PLXNA4: variants seen among roughly 807,000 people sequenced by gnomAD.
The protein encoded by PLXNA4 is plexin A4.
A neutral mutation model predicts 191.8 loss-of-function variants in PLXNA4; 44 were observed. The observed-to-expected ratio is 0.23, with a 90% CI of 0.18 to 0.29. The LOEUF (loss-of-function observed/expected upper bound fraction) is 0.29, where lower values mean the gene tolerates loss of function less well. Ranked by LOEUF, PLXNA4 falls within the 10% of genes least tolerant of loss-of-function variation. The probability of loss-of-function intolerance (pLI) is 1.00; values close to 1 mark genes in which losing one functional copy is unlikely to be tolerated. For synonymous variants in PLXNA4, 1,082 were observed against 1,009.5 expected, an observed-to-expected ratio of 1.07 and a Z score of -1.36; for missense variants, 1,800 against 2,488.8, an observed-to-expected ratio of 0.72 and a Z score of 5.89.
In PLXNA4 at chr7:132,348,002, A is replaced by G. The variant is rs540458738; in HGVS notation, c.1372-49780T>C. ...GTGGGAGAAAGGATGAAAGGAAAGG[A>G]GGAAAACATTCCATTTGCCTCCCAG... On this transcript the variant is annotated intron_variant, in intron 3 of 31. Coordinates refer to ENST00000321063, the MANE Select transcript of PLXNA4 (RefSeq NM_020911.2). 7.0e-4 allele frequency among the ~76,000 whole-genome samples: 107 copies of G among 152,310 alleles called. 6 individuals are homozygous for G. The South Asian group carries it at 0.02, about 29-fold the overall frequency.
Position 132,419,604 on chromosome 7 carries a change from T to C in PLXNA4, c.1371+69688A>G, listed in dbSNP as rs569455779. 3.1e-3 allele frequency among the ~76,000 whole-genome samples: 472 copies of C among 152,368 alleles called. 1 individual carries two copies. The highest frequency in any genetic ancestry group is 0.011 in the African/African-American group (445 of 41,594). On this transcript the variant is annotated intron_variant, in intron 3 of 31. Coordinates refer to ENST00000321063, the MANE Select transcript of PLXNA4 (RefSeq NM_020911.2). ...CTCTGATAGTTTCTGTCCATTCTTC[T>C]GTTTTTCTTTTTTGAATTCTGGTCA...
intron 12 of PLXNA4, among the ~76,000 whole-genome samples, chr7:132,202,078 A>G (rs902100118): frequency 6.6e-6 from 1 of 152,076 alleles, no homozygotes; most frequent in African/African-American, 2.4e-5. Context: ...ATTCTCTGGG[A>G]CCCAGTGTCT....
intron 29 of PLXNA4, among the ~76,000 whole-genome samples, chr7:132,142,996 G>T (rs972934149): frequency 6.6e-6 from 1 of 152,084 alleles, no homozygotes; most frequent in African/African-American, 2.4e-5. Flanking sequence ...TGAAATATTA[G>T]CATATTATTA....
At chr7:132,169,135 C>T (rs1297667606) in intron 21 of PLXNA4, among the ~76,000 whole-genome samples, 1 of 152,170 alleles carries the variant, frequency 6.6e-6, no homozygotes, top group African/African-American at 2.4e-5. Flanking sequence ...TCTGGGGGCC[C>T]AAGTTTATCC....
chr7:132,455,605 A>C (rs1473386530), intron 3 of PLXNA4, among the ~76,000 whole-genome samples: 1 of 152,200 alleles, frequency 6.6e-6, no homozygotes, highest in African/African-American at 2.4e-5. Context: ...TTGCTGAGTG[A>C]AAATGCTCCT....
intron 3 of PLXNA4, among the ~76,000 whole-genome samples, chr7:132,482,568 T>G (rs756039039): frequency 6.6e-6 from 1 of 152,100 alleles, no homozygotes; most frequent in Admixed American, 6.5e-5. Flanking sequence ...AGAAACTGTA[T>G]GTATGATAAT....
At chr7:132,420,778 C>T (rs1301501980) in intron 3 of PLXNA4, among the ~76,000 whole-genome samples, 1 of 152,162 alleles carries the variant, frequency 6.6e-6, no homozygotes, top group East Asian at 1.9e-4. Context: ...CTTTCCTCTG[C>T]TGTTCTCGTG....
chr7:132,430,944 G>A (rs999778596), intron 3 of PLXNA4, among the ~76,000 whole-genome samples: 6 of 152,158 alleles, frequency 3.9e-5, no homozygotes, highest in Admixed American at 1.3e-4. Context: ...GTGGGCCAGC[G>A]GGAGGAGGTG....
chr7:132,224,755 G>C (rs1332607650), intron 8 of PLXNA4, among the ~76,000 whole-genome samples: 20 of 152,162 alleles, frequency 1.3e-4, no homozygotes, highest in Admixed American at 1.3e-3. Context: ...CCCAGGGCTA[G>C]AGTAACTCAT....
In PLXNA4 at chr7:132,349,208, C is replaced by T. The variant is rs147877812; in HGVS notation, c.1372-50986G>A. Among the ~76,000 whole-genome samples the T allele has an allele frequency of 1.2e-4, 18 of 152,246 alleles. No homozygotes were observed. The East Asian group carries it at 2.7e-3, about 23-fold the overall frequency. ...CTTTTTTCCCCTCCCTTTCTTTTAA[C>T]AGCACCTTTCAACCCAGGAGCTGCC... is the stretch of plus-strand genomic sequence containing the variant. On this transcript the variant is annotated intron_variant, in intron 3 of 31. Coordinates refer to ENST00000321063, the MANE Select transcript of PLXNA4 (RefSeq NM_020911.2).
chr7:132,550,627 C>A (rs1800520497), intron 1 of PLXNA4, among the ~76,000 whole-genome samples: 1 of 152,148 alleles, frequency 6.6e-6, no homozygotes, highest in Admixed American at 6.5e-5. Flanking sequence ...TGCAAGGCAC[C>A]AAGGTCTGCT....
chr7:132,198,714 C>G lies in PLXNA4; in HGVS notation c.2587-78G>C, dbSNP rs1584831129. ...TTGCTGATGAGGCAAGGAGAGGCTG[C>G]TGGCTCTTGTCTCATCTGCCCCAGA... On this transcript the variant is annotated intron_variant, in intron 12 of 31. Transcript: ENST00000321063. 2.6e-6 allele frequency: 4 copies of G among 1,564,468 alleles called. No homozygotes were observed. The Admixed American group carries it at 7.1e-5, about 28-fold the overall frequency.
intron 14 of PLXNA4, among the ~76,000 whole-genome samples, chr7:132,189,006 G>GGAGAGGAAAGGAAA (rs1562908944): frequency 2.6e-4 from 14 of 52,954 alleles, no homozygotes; most frequent in East Asian, 2.1e-3. Flanking sequence ...GAGAGAGAGA[G>GGAGAGGAAAGGAAA]AGAGAGAGAG....
At chr7:132,500,246 C>T (rs958135750) in intron 2 of PLXNA4, among the ~76,000 whole-genome samples, 1 of 152,148 alleles carries the variant, frequency 6.6e-6, no homozygotes, top group African/African-American at 2.4e-5. Context: ...AGTTTGAAAC[C>T]AGCTTGGCCA....
intron 14 of PLXNA4, 27 bp downstream of exon 14, chr7:132,194,035 G>C (rs1262632395): frequency 1.2e-6 from 2 of 1,604,164 alleles, no homozygotes; most frequent in Non-Finnish European, 8.5e-7. Flanking sequence ...CCTGCACCCA[G>C]CCAGATCACT....
At chr7:132,296,050 T>C (rs1173892921) in intron 4 of PLXNA4, among the ~76,000 whole-genome samples, 1 of 152,236 alleles carries the variant, frequency 6.6e-6, no homozygotes, top group African/African-American at 2.4e-5. Flanking sequence ...TGCACTGTTC[T>C]ACAAATCTCC....
chr7:132,376,240 G>A (rs1003030894), intron 3 of PLXNA4, among the ~76,000 whole-genome samples: 8 of 152,272 alleles, frequency 5.3e-5, no homozygotes, highest in African/African-American at 9.6e-5. Flanking sequence ...CAACTTTGCC[G>A]AAAGTCCTTG....
At chr7:132,460,364 C>CA (rs1273495510) in intron 3 of PLXNA4, among the ~76,000 whole-genome samples, 3 of 137,222 alleles carry the variant, frequency 2.2e-5, no homozygotes, top group Non-Finnish European at 4.7e-5. Context: ...GACACTGTCT[C>CA]AAAAAAAGAA....
chr7:132,494,680 G>C (rs1429915131), intron 2 of PLXNA4, among the ~76,000 whole-genome samples: 1 of 152,166 alleles, frequency 6.6e-6, no homozygotes. Flanking sequence ...CGCAGCAAAG[G>C]TTACCGTGCA....
Sources: allele counts gnomAD v4.1 joint callset (sites outside exome capture counted in the v4.1 genomes callset), GRCh38; gene constraint gnomAD v4.1.1; transcripts MANE v1.5; gene names NCBI Gene and HGNC (gene_info 2026-07-23, HGNC 2026-07-21).